The following HS3ST5 variants were observed in gnomAD, a reference collection of about 807,000 sequenced individuals.
HS3ST5 encodes the protein heparan sulfate-glucosamine 3-sulfotransferase 5, also known as heparan sulfate glucosamine 3-O-sulfotransferase 5.
In HS3ST5, 10 loss-of-function variants were observed where a neutral mutation model predicts 25.4. The ratio of observed to expected loss-of-function variants is 0.39; its 90% CI spans 0.24 to 0.67. The LOEUF (loss-of-function observed/expected upper bound fraction) is 0.67. Among genes scored for constraint, HS3ST5 ranks in the 30% least tolerant of loss-of-function variants. The probability of loss-of-function intolerance (pLI) is 0.44; values close to 1 mark genes in which losing one functional copy is unlikely to be tolerated. For missense variants in HS3ST5, 324 were observed against 420.7 expected (o/e 0.77, Z 2.01); for synonymous variants, 170 against 162.4 (o/e 1.05, Z -0.36).
At chr6:114,314,083 G>A (rs996920582) in intron 1 of HS3ST5, among the ~76,000 whole-genome samples, 13 of 152,098 alleles carry the variant, frequency 8.5e-5, no homozygotes, top group Admixed American at 7.2e-4. Flanking sequence ...GCCCCACCAC[G>A]CCTGGCTAAT....
At position 114,058,203 on chromosome 6, in the gene HS3ST5, C is replaced by G. The variant is rs777686831; in HGVS notation, c.108-13G>C. ...AATGGGTTGTAGCCTGCAAGCAAGA[C>G]AGAGACACTTTAAGCTCATTGCAAC... is the stretch of plus-strand genomic sequence containing the variant. On this transcript the variant is annotated splice_polypyrimidine_tract_variant and intron_variant, in intron 4 of 4. Transcript: ENST00000312719. The G allele has an allele frequency of 1.3e-5, 21 of 1,582,568 alleles. No individual in the cohort carries two copies. The South Asian group carries it at 1.6e-4, about 12-fold the overall frequency.
At chr6:114,277,998 C>T (rs1773936805) in intron 1 of HS3ST5, among the ~76,000 whole-genome samples, 1 of 151,960 alleles carries the variant, frequency 6.6e-6, no homozygotes, top group Non-Finnish European at 1.5e-5. Context: ...GTTCTCATTA[C>T]TTACCTTTGA....
At chr6:114,117,814 T>C (rs1156930089) in intron 3 of HS3ST5, among the ~76,000 whole-genome samples, 8 of 152,166 alleles carry the variant, frequency 5.3e-5, no homozygotes, top group Admixed American at 5.2e-4. Context: ...CTCTGCCCTG[T>C]ATAACTACCC....
chr6:114,191,013 C>T (rs1351181931), intron 2 of HS3ST5, among the ~76,000 whole-genome samples: 3 of 152,136 alleles, frequency 2.0e-5, no homozygotes, highest in Admixed American at 6.5e-5. Context: ...CATGAATAAC[C>T]TGAAACTGCA....
intron 1 of HS3ST5, among the ~76,000 whole-genome samples, chr6:114,294,500 C>T (rs531716914): frequency 1.5e-5 from 2 of 136,474 alleles, no homozygotes; most frequent in Non-Finnish European, 3.0e-5. Flanking sequence ...GGCTGGAGTG[C>T]TGTGGCGTGA....
chr6:114,148,685 C>T (rs892331645), intron 3 of HS3ST5, among the ~76,000 whole-genome samples: 1 of 151,840 alleles, frequency 6.6e-6, no homozygotes, highest in African/African-American at 2.4e-5. Flanking sequence ...ATAGGGATGC[C>T]GACTTCATGA....
chr6:114,152,836 C>T (rs1778523384), intron 3 of HS3ST5, among the ~76,000 whole-genome samples: 1 of 152,226 alleles, frequency 6.6e-6, no homozygotes, highest in Admixed American at 6.5e-5. Flanking sequence ...GCCTTTGCTG[C>T]TAGAGGCTTT....
At chr6:114,081,949 A>C (rs193094458) in intron 3 of HS3ST5, among the ~76,000 whole-genome samples, 15 of 152,244 alleles carry the variant, frequency 9.9e-5, no homozygotes, top group East Asian at 7.7e-4. Flanking sequence ...CACCATAATT[A>C]ACTTTACATT....
intron 2 of HS3ST5, among the ~76,000 whole-genome samples, chr6:114,214,286 A>G (rs1218155176): frequency 6.6e-6 from 1 of 152,156 alleles, no homozygotes; most frequent in African/African-American, 2.4e-5. Flanking sequence ...TTAACTAAAC[A>G]TTCCAGTTTA....
chr6:114,183,074 T>A (rs1315775000), intron 2 of HS3ST5, among the ~76,000 whole-genome samples: 1 of 152,144 alleles, frequency 6.6e-6, no homozygotes, highest in Non-Finnish European at 1.5e-5. Context: ...TGGGATTACA[T>A]CACTGGCTTT....
chr6:114,209,489 A>G (rs531885089), intron 2 of HS3ST5, among the ~76,000 whole-genome samples: 2 of 151,516 alleles, frequency 1.3e-5, no homozygotes, highest in East Asian at 3.9e-4. Context: ...CAGCTTTTCT[A>G]TTGAGTATTG....
At chr6:114,200,094 G>A (rs537771052) in intron 2 of HS3ST5, among the ~76,000 whole-genome samples, 166 of 152,338 alleles carry the variant, frequency 1.1e-3, no homozygotes, top group Non-Finnish European at 1.9e-3. Flanking sequence ...GCACGTGCCT[G>A]TAATCCCAGC....
At chr6:114,181,981 T>C (rs1779996199) in intron 2 of HS3ST5, among the ~76,000 whole-genome samples, 1 of 152,128 alleles carries the variant, frequency 6.6e-6, no homozygotes, top group Non-Finnish European at 1.5e-5. Flanking sequence ...TATGTTTCCT[T>C]AGCTTTATAT....
chr6:114,199,042 G>A (rs1358996299), intron 2 of HS3ST5, among the ~76,000 whole-genome samples: 1 of 152,076 alleles, frequency 6.6e-6, no homozygotes, highest in South Asian at 2.1e-4. Flanking sequence ...CCAAGACATA[G>A]GGCAACTGTC....
intron 3 of HS3ST5, among the ~76,000 whole-genome samples, chr6:114,124,432 C>G (rs980429998): frequency 2.6e-5 from 4 of 152,182 alleles, no homozygotes; most frequent in Non-Finnish European, 4.4e-5. Context: ...GGGGCTTCAA[C>G]TAACCACACC....
intron 3 of HS3ST5, among the ~76,000 whole-genome samples, chr6:114,105,504 T>A (rs766176827): frequency 2.0e-4 from 31 of 152,188 alleles, no homozygotes; most frequent in Non-Finnish European, 3.7e-4. Flanking sequence ...TAATATTGAT[T>A]ATATTTTTTA....
chr6:114,258,491 G>C (rs1047646592), intron 1 of HS3ST5, among the ~76,000 whole-genome samples: 4 of 152,190 alleles, frequency 2.6e-5, no homozygotes, highest in African/African-American at 9.6e-5. Context: ...TTTGGGGTAG[G>C]AGTGAGACCC....
chr6:114,092,621 A>G (rs947652709), intron 3 of HS3ST5, among the ~76,000 whole-genome samples: 1 of 151,818 alleles, frequency 6.6e-6, no homozygotes, highest in Admixed American at 6.6e-5. Flanking sequence ...AAAAATCAAC[A>G]TATATGTTGT....
intron 1 of HS3ST5, among the ~76,000 whole-genome samples, chr6:114,301,748 A>G (rs1775082973): frequency 6.6e-6 from 1 of 152,076 alleles, no homozygotes. Flanking sequence ...CATATGGCTG[A>G]GCCCTCAGCT....
Sources: allele counts gnomAD v4.1 joint callset (sites outside exome capture counted in the v4.1 genomes callset), GRCh38; gene constraint gnomAD v4.1.1; transcripts MANE v1.5; gene names NCBI Gene and HGNC (gene_info 2026-07-23, HGNC 2026-07-21).